The following KCNK12 variants were observed in gnomAD, a reference collection of about 807,000 sequenced individuals.
The protein encoded by KCNK12 is potassium two pore domain channel subfamily K member 12, also known as potassium channel subfamily K member 12.
Under a neutral mutation model 25.3 loss-of-function variants are expected in KCNK12, and 6 were observed. The ratio of observed to expected loss-of-function variants is 0.24; its 90% CI spans 0.13 to 0.47. KCNK12 has a LOEUF of 0.47. KCNK12 is among the 20% of genes least tolerant of loss of function. KCNK12 has a pLI of 0.99. For missense variants in KCNK12, 444 were observed against 661.7 expected (o/e 0.67, Z 3.61); for synonymous variants, 331 against 311.1 (o/e 1.06, Z -0.67).
chr2:47,514,412 T>G lies in KCNK12; in HGVS notation c.*6495A>C, dbSNP rs923335952. Among the ~76,000 whole-genome samples the G allele has an allele frequency of 3.3e-5, 5 of 152,120 alleles. No homozygotes were observed. Among genetic ancestry groups the G allele is most frequent in the Admixed American group, 3.3e-4 (5 of 15,272 alleles). The stretch of plus-strand genomic sequence containing the variant: ...GTCCTGTCTTTCTCACCCTTGTCTC[T>G]CCAGCCCCTAACACAGGGGATGCCT... On this transcript the variant is annotated 3_prime_UTR_variant, in exon 2 of 2. Coordinates refer to ENST00000327876, the MANE Select transcript of KCNK12 (RefSeq NM_022055.2). This position sits in a 1 kb window ranked among gnomAD's most constrained non-coding sequence, Gnocchi z 5.0.
intron 1 of KCNK12, among the ~76,000 whole-genome samples, chr2:47,532,278 C>T (rs947697109): frequency 2.0e-5 from 3 of 150,452 alleles, no homozygotes; most frequent in African/African-American, 7.3e-5. Flanking sequence ...CTTGGGCCAC[C>T]TGCTTGAGTC....
Position 47,562,256 on chromosome 2 carries a change from T to C in KCNK12, c.391+7685A>G, listed in dbSNP as rs953675634. The stretch of plus-strand genomic sequence containing the variant: ...ACTGCTGCATGCTATCCTACCTTCC[T>C]GGTCTGTAACATCTGTTGCTGTTGA... On this transcript the variant is annotated intron_variant, in intron 1 of 1. Transcript: ENST00000327876. The surrounding 1 kb of genome is among the most constrained non-coding windows in gnomAD (Gnocchi z 4.8). The C allele has an allele frequency of 1.0e-5, 4 of 397,274 alleles. No individual in the cohort carries two copies. The highest frequency in any genetic ancestry group is 8.2e-5 in the African/African-American group (4 of 48,622). The allele number at this position is 397,274 out of a possible 1,614,324, so 24.6% of individuals were successfully genotyped here.
chr2:47,570,119 G>A lies in KCNK12; in HGVS notation c.213C>T (p.Arg71=). 1 of 1,422,802 alleles carries A rather than the reference G, an allele frequency of 7.0e-7. No individual in the cohort carries two copies. The highest frequency in any genetic ancestry group is 9.2e-7 in the Non-Finnish European group (1 of 1,089,086). The allele number at this position is 1,422,802 out of a possible 1,614,324, so 88.1% of individuals were successfully genotyped here. The change falls in exon 1 of 2, where the codon CGC becomes CGT. Residue 71 remains arginine (R), a synonymous_variant. Coordinates refer to ENST00000327876, the MANE Select transcript of KCNK12 (RefSeq NM_022055.2). The part of the protein sequence containing the change: ...ESPGEAEARA[R]WGATLRNFSA... ...TGAAGTTGCGCAGCGTGGCGCCCCA[G>A]CGCGCCCGCGCCTCCGCCTCGCCGG...
rs2104719524 is a variant in KCNK12 at position 47,520,915 on chromosome 2, A to G, written c.1285T>C (p.Ser429Pro). Residue 429 changes from serine (S) to proline (P), a missense_variant, in exon 2 of 2, where the codon TCC (serine) becomes CCC (proline). Ser to Pro is a moderately conservative substitution (Grantham distance 74, BLOSUM62 -1). This residue lies in a region of KCNK12 where 57 missense variants were observed against 68.9 expected (regional missense o/e 0.83). Transcript: ENST00000327876. The surrounding 1 kb of genome is among the most constrained non-coding windows in gnomAD (Gnocchi z 5.0). ...MNNRLAETSASR is the reference protein window; with the variant it reads ...MNNRLAETSAPR ...GCGGGCGGACGGGCGGTCTACCTGG[A>G]GGCGCTGGTCTCGGCCAGCCGGTTG... 1 of 1,252,280 alleles carries G rather than the reference A, an allele frequency of 8.0e-7. No individual in the cohort carries two copies. 77.6% of individuals were successfully genotyped at this position (1,252,280 alleles called of 1,614,324 possible). A position where few individuals can be genotyped will look rare whatever the true frequency, so the allele number is the denominator to read the frequency against.
rs989529128 is a variant in KCNK12 at position 47,525,909 on chromosome 2, G to A, written c.392-4101C>T. On this transcript the variant is annotated intron_variant, in intron 1 of 1. Transcript: ENST00000327876. This position sits in a 1 kb window ranked among gnomAD's most constrained non-coding sequence, Gnocchi z 4.1. ...AGCCCCACCAGCAAAAGTTAAGAAGGAATGATAGTGGCTCCAGTGATGTAA... is the reference window on the plus strand; with the variant it reads ...AGCCCCACCAGCAAAAGTTAAGAAGAAATGATAGTGGCTCCAGTGATGTAA... Among the ~76,000 whole-genome samples the A allele has an allele frequency of 3.9e-5, 6 of 152,142 alleles. No homozygotes were observed. The highest frequency in any genetic ancestry group is 8.8e-5 in the Non-Finnish European group (6 of 68,028).
chr2:47,514,066 C>T lies in KCNK12; in HGVS notation c.*6841G>A, dbSNP rs1159610512. On this transcript the variant is annotated 3_prime_UTR_variant, in exon 2 of 2. Coordinates refer to ENST00000327876, the MANE Select transcript of KCNK12 (RefSeq NM_022055.2). The surrounding 1 kb of genome is among the most constrained non-coding windows in gnomAD (Gnocchi z 5.0). ...CTTCGCTATCTGGCCCCCTCATTAC[C>T]TCCCTTGCTCTGCATGCTCCAGTCC... Among the ~76,000 whole-genome samples, 2 of 152,164 alleles carry T rather than the reference C, an allele frequency of 1.3e-5. No individual in the cohort carries two copies. The highest frequency in any genetic ancestry group is 2.9e-5 in the Non-Finnish European group (2 of 68,038).
intron 1 of KCNK12, among the ~76,000 whole-genome samples, chr2:47,523,339 G>A (rs183036092): frequency 2.0e-5 from 3 of 152,214 alleles, no homozygotes; most frequent in Admixed American, 6.5e-5. Context: ...ATTGGGTGCC[G>A]GCTCCTTCTC....
chr2:47,534,433 C>CA (rs1553378721), intron 1 of KCNK12, among the ~76,000 whole-genome samples: 4 of 14,916 alleles, frequency 2.7e-4, no homozygotes, highest in African/African-American at 1.6e-3. Context: ...CGTCTCCAGG[C>CA]CCCCCCCACC....
chr2:47,568,307 A>T (rs1048251335), intron 1 of KCNK12, among the ~76,000 whole-genome samples: 6 of 119,342 alleles, frequency 5.0e-5, no homozygotes, highest in South Asian at 2.3e-4. Context: ...TAAAGCACTT[A>T]AAAAAAAAAA....
chr2:47,523,973 A>G (rs1328762602), intron 1 of KCNK12, among the ~76,000 whole-genome samples: 2 of 152,258 alleles, frequency 1.3e-5, no homozygotes, highest in African/African-American at 4.8e-5. Context: ...TTCAGAGTAC[A>G]TTCCTTAAGC....
chr2:47,520,918 C>A lies in KCNK12; in HGVS notation c.1282G>T (p.Ala428Ser). Residue 428 changes from alanine (A) to serine (S), a missense_variant, in exon 2 of 2, where the codon GCC becomes TCC. Ala to Ser is a moderately conservative substitution (Grantham distance 99). This residue lies in a region of KCNK12 where 57 missense variants were observed against 68.9 expected (regional missense o/e 0.83). Transcript: ENST00000327876. This position sits in a 1 kb window ranked among gnomAD's most constrained non-coding sequence, Gnocchi z 5.0. ...IMNNRLAETS[A>S]SR ...GGCGGACGGGCGGTCTACCTGGAGG[C>A]GCTGGTCTCGGCCAGCCGGTTGTTC... The A allele has an allele frequency of 8.0e-7, 1 of 1,253,470 alleles. No individual in the cohort carries two copies. Among genetic ancestry groups the A allele is most frequent in the Non-Finnish European group, 1.0e-6 (1 of 998,570 alleles). 77.6% of individuals were successfully genotyped at this position (1,253,470 alleles called of 1,614,324 possible).
rs770550091 is a variant in KCNK12, at chr2:47,521,210, G to T, written c.990C>A (p.Ala330=). The change falls in exon 2 of 2, where the codon GCC becomes GCA. Residue 330 remains alanine, a synonymous_variant. Transcript: ENST00000327876. Reference sequence around the variant, plus strand: ...AGCCTGGGGTGATGGCATTGCGCCGGGCCAGGGGCGCGCCAGGAGCCGGGC... The same window carrying T: ...AGCCTGGGGTGATGGCATTGCGCCGTGCCAGGGGCGCGCCAGGAGCCGGGC... ...RCCPAPGAPL[A]RRNAITPGSR... 4 of 1,562,870 alleles carry T rather than the reference G, an allele frequency of 2.6e-6. No individual in the cohort carries two copies. The highest frequency in any genetic ancestry group is 3.8e-5 in the Admixed American group (2 of 53,048).
At chr2:47,546,530 A>C (rs1344637039) in intron 1 of KCNK12, among the ~76,000 whole-genome samples, 1 of 152,144 alleles carries the variant, frequency 6.6e-6, no homozygotes, top group Non-Finnish European at 1.5e-5. Flanking sequence ...GGTAGCGAGC[A>C]CCTATAGTCC....
At chr2:47,552,562 G>T (rs1057076527) in intron 1 of KCNK12, among the ~76,000 whole-genome samples, 2 of 152,194 alleles carry the variant, frequency 1.3e-5, no homozygotes, top group Non-Finnish European at 2.9e-5. Flanking sequence ...GAGTCCAGGA[G>T]TTCGAGACCA....
rs766401123 is a variant in KCNK12, at chr2:47,516,798, G to A, written c.*4109C>T. On this transcript the variant is annotated 3_prime_UTR_variant, in exon 2 of 2. Coordinates refer to ENST00000327876, the MANE Select transcript of KCNK12 (RefSeq NM_022055.2). ...GGAAGGGGAAGAGGGTTTGGGGCCA[G>A]GTCCGAGTGCAGAAATCCTCAATGC... 6.6e-6 allele frequency: 1 copy of A among 152,236 alleles called. No homozygotes were observed. Among genetic ancestry groups the A allele is most frequent in the Non-Finnish European group, 1.5e-5 (1 of 68,068 alleles). 9.4% of individuals were successfully genotyped at this position (152,236 alleles called of 1,614,324 possible).
At chr2:47,546,137 A>C (rs1386362674) in intron 1 of KCNK12, among the ~76,000 whole-genome samples, 1 of 152,260 alleles carries the variant, frequency 6.6e-6, no homozygotes, top group Non-Finnish European at 1.5e-5. Context: ...TAGAACTGTG[A>C]GTCCCAATGA....
rs957545136 is a variant in KCNK12, at chr2:47,517,078, G to C, written c.*3829C>G. On this transcript the variant is annotated 3_prime_UTR_variant, in exon 2 of 2. Transcript: ENST00000327876. The surrounding 1 kb of genome is among the most constrained non-coding windows in gnomAD (Gnocchi z 4.1). ...AGCCCCAGCGCCTCTTCTGGACTCAGATGCCCTAGGCTGGCTGTCTGGCTG... is the reference window on the plus strand; with the variant it reads ...AGCCCCAGCGCCTCTTCTGGACTCACATGCCCTAGGCTGGCTGTCTGGCTG... 6.6e-6 allele frequency: 1 copy of C among 152,240 alleles called. No individual in the cohort carries two copies. The highest frequency in any genetic ancestry group is 1.5e-5 in the Non-Finnish European group (1 of 68,064). 9.4% of individuals were successfully genotyped at this position (152,240 alleles called of 1,614,324 possible).
chr2:47,537,391 C>T (rs1001761219), intron 1 of KCNK12, among the ~76,000 whole-genome samples: 19 of 151,422 alleles, frequency 1.3e-4, no homozygotes, highest in African/African-American at 3.2e-4. Flanking sequence ...AGTGCACTGG[C>T]GCGATCTCAG....
rs971820067 is a variant in KCNK12 at position 47,557,563 on chromosome 2, C to T, written c.391+12378G>A. 3.3e-5 allele frequency among the ~76,000 whole-genome samples: 5 copies of T among 152,178 alleles called. No individual in the cohort carries two copies. The highest frequency in any genetic ancestry group is 5.9e-5 in the Non-Finnish European group (4 of 68,042). Reference sequence around the variant, plus strand: ...TTCTCTCCCTAACCACTACATTGTACTGCAAATTGTCACTTGGCAATGCAG... The same window carrying T: ...TTCTCTCCCTAACCACTACATTGTATTGCAAATTGTCACTTGGCAATGCAG... On this transcript the variant is annotated intron_variant, in intron 1 of 1. Coordinates refer to ENST00000327876, the MANE Select transcript of KCNK12 (RefSeq NM_022055.2). This position sits in a 1 kb window ranked among gnomAD's most constrained non-coding sequence, Gnocchi z 4.9.
Sources: gnomAD v4.1 joint callset for allele counts (sites outside exome capture counted in the v4.1 genomes callset) on GRCh38, gnomAD v4.1.1 for gene constraint, gnomAD v4.1.1 regional missense constraint, Gnocchi (gnomAD v3.1) non-coding constraint, MANE v1.5 for transcripts, NCBI Gene and HGNC (gene_info 2026-07-23, HGNC 2026-07-21) for gene names.